The following PRDM16 variants were observed in gnomAD, a reference collection of about 807,000 sequenced individuals.
PRDM16 encodes the protein histone-lysine N-methyltransferase PRDM16.
PRDM16 carries 23 observed loss-of-function variants against 110.6 expected under a neutral mutation model. That is an observed-to-expected ratio of 0.21 (90% confidence interval 0.15 to 0.29). The LOEUF is 0.29. Ranked by LOEUF, PRDM16 falls within the 10% of genes least tolerant of loss-of-function variation. PRDM16 has a pLI of 1.00. For missense variants in PRDM16, 1,615 were observed against 1,794.3 expected, an observed-to-expected ratio of 0.90 and a Z score of 1.81; for synonymous variants, 799 against 781.8, an observed-to-expected ratio of 1.02 and a Z score of -0.37.
At chr1:3,271,801 G>A (rs993833998) in intron 3 of PRDM16, among the ~76,000 whole-genome samples, 3 of 152,204 alleles carry the variant, frequency 2.0e-5, no homozygotes, top group Non-Finnish European at 2.9e-5. Context: ...CCCCCAGCAC[G>A]GAAAGCAGCA....
chr1:3,314,763 G>T (rs572602014), intron 3 of PRDM16, among the ~76,000 whole-genome samples: 3 of 152,008 alleles, frequency 2.0e-5, no homozygotes, highest in Admixed American at 6.5e-5. Context: ...CAGTTGCTTC[G>T]TTTTTTGCAA....
At chr1:3,394,596 C>T in intron 4 of PRDM16, 2 of 366,046 alleles carry the variant, frequency 5.5e-6, no homozygotes, top group South Asian at 1.9e-5. Flanking sequence ...TCAGCCTCGC[C>T]CGCTGACCCT....
intron 2 of PRDM16, among the ~76,000 whole-genome samples, chr1:3,227,680 C>T (rs1243784081): frequency 6.6e-6 from 1 of 152,212 alleles, no homozygotes; most frequent in African/African-American, 2.4e-5. Context: ...ATGCAAAGAC[C>T]CAAGTCCACA....
chr1:3,097,816 A>AG (rs965363932), intron 1 of PRDM16, among the ~76,000 whole-genome samples: 2 of 152,086 alleles, frequency 1.3e-5, no homozygotes, highest in African/African-American at 2.4e-5. Flanking sequence ...GAGAGATCCC[A>AG]GGGGGGCCCA....
chr1:3,114,557 CACAA>C (rs1365737820), intron 1 of PRDM16, among the ~76,000 whole-genome samples: 3 of 151,506 alleles, frequency 2.0e-5, no homozygotes, highest in East Asian at 3.9e-4. Flanking sequence ...CACACACGTG[CACAA>C]ACAAGCACAC....
At chr1:3,369,585 C>G (rs2100574785) in intron 3 of PRDM16, among the ~76,000 whole-genome samples, 1 of 152,362 alleles carries the variant, frequency 6.6e-6, no homozygotes. Context: ...GGGCCCTTCT[C>G]CACACAACCA....
At chr1:3,137,136 A>G (rs745964496) in intron 1 of PRDM16, among the ~76,000 whole-genome samples, 8 of 152,104 alleles carry the variant, frequency 5.3e-5, no homozygotes, top group Non-Finnish European at 1.2e-4. Context: ...GCCTGGAGCC[A>G]CTCCCACCAG....
At chr1:3,260,153 C>T (rs1019150479) in intron 3 of PRDM16, among the ~76,000 whole-genome samples, 3 of 152,194 alleles carry the variant, frequency 2.0e-5, no homozygotes, top group Non-Finnish European at 4.4e-5. Context: ...TGTGTGAACC[C>T]AAGCAACTAC....
chr1:3,143,166 C>T lies in PRDM16; in HGVS notation c.38-42959C>T, dbSNP rs974798105. On this transcript the variant is annotated intron_variant, in intron 1 of 16. Coordinates refer to ENST00000270722, the MANE Select transcript of PRDM16 (RefSeq NM_022114.4). This position sits in a 1 kb window ranked among gnomAD's most constrained non-coding sequence, Gnocchi z 4.5. The stretch of plus-strand genomic sequence containing the variant: ...CCTTGTGGCAACCGCAGTGCTGGGC[C>T]GGGGGGAGTCGCTGGTTTGCAGCCC... Among the ~76,000 whole-genome samples, 17 of 152,112 alleles carry T rather than the reference C, an allele frequency of 1.1e-4. No individual in the cohort carries two copies. The highest frequency in any genetic ancestry group is 3.9e-4 in the African/African-American group (16 of 41,416).
chr1:3,366,243 G>A (rs187116308), intron 3 of PRDM16, among the ~76,000 whole-genome samples: 8 of 152,320 alleles, frequency 5.3e-5, no homozygotes, highest in Non-Finnish European at 8.8e-5. Flanking sequence ...GACTTAATGC[G>A]CTTGGCGGCC....
intron 2 of PRDM16, among the ~76,000 whole-genome samples, chr1:3,198,731 C>A (rs1273037063): frequency 6.6e-6 from 1 of 152,198 alleles, no homozygotes; most frequent in Non-Finnish European, 1.5e-5. Context: ...GGATTACCAG[C>A]CGCACGCAGG....
At chr1:3,178,296 G>A (rs1027736213) in intron 1 of PRDM16, among the ~76,000 whole-genome samples, 2 of 152,160 alleles carry the variant, frequency 1.3e-5, no homozygotes, top group South Asian at 2.1e-4. Context: ...GGGGCGTCTC[G>A]AACACAGTCC....
intron 3 of PRDM16, 149 bp from the exon 4 acceptor site, chr1:3,385,003 G>A (rs570653312): frequency 1.9e-5 from 18 of 925,626 alleles, no homozygotes; most frequent in South Asian, 9.2e-5. Context: ...TGGGAGCCCC[G>A]CTGATGCCCG....
At chr1:3,167,726 G>A (rs554809307) in intron 1 of PRDM16, among the ~76,000 whole-genome samples, 1 of 15,532 alleles carries the variant, frequency 6.4e-5, no homozygotes, top group African/African-American at 3.3e-4. Flanking sequence ...GCCTCCCAGC[G>A]CCTCTGTGAC....
chr1:3,214,189 G>A (rs903555045), intron 2 of PRDM16, among the ~76,000 whole-genome samples: 3 of 152,272 alleles, frequency 2.0e-5, no homozygotes, highest in African/African-American at 4.8e-5. Flanking sequence ...TCAGACAGGC[G>A]TCTTTTCCTT....
intron 10 of PRDM16, among the ~76,000 whole-genome samples, chr1:3,416,241 G>T (rs1048276659): frequency 1.3e-5 from 2 of 152,208 alleles, no homozygotes; most frequent in Non-Finnish European, 2.9e-5. Context: ...TTTGTAGAAA[G>T]CCCTCTGCTC....
intron 14 of PRDM16, among the ~76,000 whole-genome samples, chr1:3,429,440 T>C (rs940133801): frequency 1.3e-5 from 2 of 152,212 alleles, no homozygotes; most frequent in Non-Finnish European, 2.9e-5. Context: ...CAAACCCACG[T>C]GGGGCCACCA....
At chr1:3,129,343 T>TTG (rs374785379) in intron 1 of PRDM16, among the ~76,000 whole-genome samples, 1 of 132,060 alleles carries the variant, frequency 7.6e-6, no homozygotes, top group Non-Finnish European at 1.6e-5. Flanking sequence ...TCCTGCCTGG[T>TTG]TGTGTGTGTG....
At chr1:3,267,766 C>T (rs995679394) in intron 3 of PRDM16, among the ~76,000 whole-genome samples, 1 of 152,204 alleles carries the variant, frequency 6.6e-6, no homozygotes, top group East Asian at 1.9e-4. Context: ...CAGTGAGCCG[C>T]TTCTCCATCC....
Sources: gnomAD v4.1 joint callset for allele counts (sites outside exome capture counted in the v4.1 genomes callset) on GRCh38, gnomAD v4.1.1 for gene constraint, Gnocchi (gnomAD v3.1) non-coding constraint, MANE v1.5 for transcripts, NCBI Gene and HGNC (gene_info 2026-07-23, HGNC 2026-07-21) for gene names.